Variants in NAV2 observed in about 807,000 individuals in gnomAD.
The protein encoded by NAV2 is neuron navigator 2, also known as helicase, APC down-regulated 1.
A neutral mutation model predicts 223.2 loss-of-function variants in NAV2; 54 were observed. That is an observed-to-expected ratio of 0.24 (90% CI 0.19 to 0.30). The LOEUF (loss-of-function observed/expected upper bound fraction) is 0.30, where lower values mean the gene tolerates loss of function less well. Ranked by LOEUF, NAV2 falls within the 10% of genes least tolerant of loss-of-function variation. NAV2 has a pLI of 1.00. For missense variants in NAV2, 2,806 were observed against 3,147.5 expected (o/e 0.89, Z 2.60); for synonymous variants, 1,279 against 1,239.3 (o/e 1.03, Z -0.67).
At position 20,094,536 on chromosome 11, in the gene NAV2, C is replaced by T. The variant is rs2061104062; in HGVS notation, c.5917-1136C>T. 2.0e-5 allele frequency among the ~76,000 whole-genome samples: 3 copies of T among 152,228 alleles called. No homozygotes were observed. In the South Asian group the frequency reaches 6.2e-4, roughly 32 times the overall value. ...AACCACCACAGCCGGCTGGGAAACT[C>T]ATTCTTACAGTAAATGCAGGTTACA... On this transcript the variant is annotated intron_variant, in intron 29 of 37. Coordinates refer to ENST00000349880, the MANE Select transcript of NAV2 (RefSeq NM_145117.5).
At chr11:19,840,731 G>A (rs1010346292) in intron 2 of NAV2, among the ~76,000 whole-genome samples, 1 of 152,128 alleles carries the variant, frequency 6.6e-6, no homozygotes, top group African/African-American at 2.4e-5. Context: ...TGGAAGGATA[G>A]CTGCCTGAAA....
intron 5 of NAV2, among the ~76,000 whole-genome samples, chr11:19,883,463 C>T (rs2063342485): frequency 6.6e-6 from 1 of 152,148 alleles, no homozygotes; most frequent in African/African-American, 2.4e-5. Context: ...GTCTCCAGGA[C>T]TTGCTTTTTT....
intron 1 of NAV2, among the ~76,000 whole-genome samples, chr11:19,818,658 A>G (rs906598768): frequency 6.6e-6 from 1 of 152,214 alleles, no homozygotes; most frequent in African/African-American, 2.4e-5. Flanking sequence ...GAGCCAGTCC[A>G]TGCCTGCCCT....
At chr11:19,567,963 C>T (rs1048088522) in intron 1 of NAV2, among the ~76,000 whole-genome samples, 5 of 152,208 alleles carry the variant, frequency 3.3e-5, no homozygotes, top group Admixed American at 6.5e-5. Flanking sequence ...TATAGTGTAA[C>T]TTCATATTTC....
In NAV2 at chr11:20,106,155, G is replaced by GTGTGTATATATATA. The variant is rs369895690; in HGVS notation, c.6841+429_6841+430insGTGTATATATATAT. 9.5e-5 allele frequency among the ~76,000 whole-genome samples: 3 copies of GTGTGTATATATATA among 31,496 alleles called. 1 individual carries two copies. Among genetic ancestry groups the GTGTGTATATATATA allele is most frequent in the Admixed American group, 6.1e-4 (2 of 3,302 alleles). 20.7% of individuals were successfully genotyped at this position (31,496 alleles called of 152,430 possible). A position where few individuals can be genotyped will look rare whatever the true frequency, so the allele number is the denominator to read the frequency against. ...TGTCCTTGTTCATATGTGTGTGTGT[G>GTGTGTATATATATA]TATATATATATATATATATATGTGT... is the stretch of plus-strand genomic sequence containing the variant. On this transcript the variant is annotated intron_variant, in intron 35 of 37. Coordinates refer to ENST00000349880, the MANE Select transcript of NAV2 (RefSeq NM_145117.5).
intron 18 of NAV2, 54 bp from the exon 19 acceptor site, chr11:20,055,715 A>C: frequency 2.0e-6 from 3 of 1,520,222 alleles, no homozygotes; most frequent in Non-Finnish European, 2.7e-6. Flanking sequence ...CCCAACCAGG[A>C]TTTGAACAGA....
intron 6 of NAV2, among the ~76,000 whole-genome samples, chr11:19,925,567 G>A (rs1392189966): frequency 6.6e-6 from 1 of 152,078 alleles, no homozygotes; most frequent in Non-Finnish European, 1.5e-5. Context: ...CGGCCAATGT[G>A]GTGAAACCCT....
intron 10 of NAV2, among the ~76,000 whole-genome samples, chr11:19,980,424 T>C (rs2153447570): frequency 6.6e-6 from 1 of 152,310 alleles, no homozygotes; most frequent in African/African-American, 2.4e-5. Context: ...GTGGCATGGG[T>C]GTTCTGAGAT....
At chr11:19,628,496 G>A (rs1045234614) in intron 1 of NAV2, among the ~76,000 whole-genome samples, 3 of 152,170 alleles carry the variant, frequency 2.0e-5, no homozygotes, top group African/African-American at 7.2e-5. Flanking sequence ...CACACATGGT[G>A]AGTGACACAG....
intron 1 of NAV2, among the ~76,000 whole-genome samples, chr11:19,446,029 G>T (rs1454275068): frequency 6.6e-6 from 1 of 152,138 alleles, no homozygotes; most frequent in Non-Finnish European, 1.5e-5. Flanking sequence ...GTGGTGCAAA[G>T]CCCAAGTCAT....
chr11:19,856,969 G>A (rs2061441690), intron 3 of NAV2, among the ~76,000 whole-genome samples: 1 of 152,220 alleles, frequency 6.6e-6, no homozygotes, highest in African/African-American at 2.4e-5. Context: ...TGGCAAATTG[G>A]CTGAGGCACA....
chr11:19,807,771 C>A (rs193259634), intron 1 of NAV2, among the ~76,000 whole-genome samples: 320 of 152,314 alleles, frequency 2.1e-3, no homozygotes, highest in African/African-American at 7.2e-3. Context: ...CCAATGATAA[C>A]CTCCTCTCAA....
chr11:19,955,825 T>TGTTTCTGG (rs967243870), intron 10 of NAV2, among the ~76,000 whole-genome samples: 1 of 152,200 alleles, frequency 6.6e-6, no homozygotes, highest in African/African-American at 2.4e-5. Flanking sequence ...GATAGGCTGT[T>TGTTTCTGG]GTTTCTGGCA....
chr11:20,045,199 G>A lies in NAV2; in HGVS notation c.3431G>A (p.Ser1144Asn). ...ACAGCCAGCGGGGTGACTGTCACCA[G>A]CAGGTCAGCCACACTGGGCAAAATC... The part of the protein sequence containing the change: ...MITASGVTVT[S>N]RSATLGKIPK... The change falls in exon 14 of 38, where the codon AGC becomes AAC. Residue 1144 changes from serine (S) to asparagine (N), a missense_variant. By Grantham distance (46) the Ser-to-Asn change is conservative. Transcript: ENST00000349880. The A allele has an allele frequency of 6.2e-7, 1 of 1,614,194 alleles. No homozygotes were observed. The highest frequency in any genetic ancestry group is 2.2e-5 in the East Asian group (1 of 44,874).
At chr11:19,884,160 C>T (rs2063384019) in intron 5 of NAV2, 1 of 614,362 alleles carries the variant, frequency 1.6e-6, no homozygotes, top group African/African-American at 1.8e-5. Flanking sequence ...AGCTGTGTGT[C>T]ATAGAAAACA....
At chr11:20,098,767 C>G (rs2061444111) in intron 31 of NAV2, among the ~76,000 whole-genome samples, 1 of 152,206 alleles carries the variant, frequency 6.6e-6, no homozygotes, top group South Asian at 2.1e-4. Flanking sequence ...GAAACAGACT[C>G]AAAAGTAGCT....
At chr11:19,527,484 C>G (rs1450394513) in intron 1 of NAV2, among the ~76,000 whole-genome samples, 1 of 152,128 alleles carries the variant, frequency 6.6e-6, no homozygotes, top group Non-Finnish European at 1.5e-5. Flanking sequence ...TAGCCACACT[C>G]CCTTGCCTTT....
At position 19,661,499 on chromosome 11, in the gene NAV2, C is replaced by T. The variant is rs545541625; in HGVS notation, c.76-170985C>T. 4.0e-5 allele frequency among the ~76,000 whole-genome samples: 6 copies of T among 148,382 alleles called. No homozygotes were observed. The Admixed American group carries it at 4.2e-4, about 10-fold the overall frequency. On this transcript the variant is annotated intron_variant, in intron 1 of 37. Transcript: ENST00000360655. ...TGTACAGTATTTAAACTTGTCAGAGCGCTTTGAAACTAAGGTGTAAAGGAA... is the reference window on the plus strand; with the variant it reads ...TGTACAGTATTTAAACTTGTCAGAGTGCTTTGAAACTAAGGTGTAAAGGAA...
chr11:19,636,692 G>C (rs531672828), intron 1 of NAV2, among the ~76,000 whole-genome samples: 1 of 152,176 alleles, frequency 6.6e-6, no homozygotes, highest in South Asian at 2.1e-4. Context: ...GGATGGTCTT[G>C]ATCTCCTGAC....
Sources: allele counts gnomAD v4.1 joint callset (sites outside exome capture counted in the v4.1 genomes callset), GRCh38; gene constraint gnomAD v4.1.1; transcripts MANE v1.5; gene names NCBI Gene and HGNC (gene_info 2026-07-23, HGNC 2026-07-21).